The following BPIFA2 variants were observed in gnomAD, a reference collection of about 807,000 sequenced individuals.
The protein encoded by BPIFA2 is BPI fold-containing family A member 2.
A neutral mutation model predicts 25.7 loss-of-function variants in BPIFA2; 20 were observed. That is an observed-to-expected ratio of 0.78 (90% CI 0.55 to 1.13). BPIFA2 has a LOEUF of 1.13. Among genes scored for constraint, BPIFA2 ranks in the 50% most tolerant of loss-of-function variants. BPIFA2 has a pLI of 0.00. For synonymous variants in BPIFA2, 126 were observed against 124.3 expected, an observed-to-expected ratio of 1.01 and a Z score of -0.09; for missense variants, 300 against 298.1, an observed-to-expected ratio of 1.01 and a Z score of -0.05.
At chr20:33,167,351 A>G (rs1274763570), upstream of BPIFA2, among the ~76,000 whole-genome samples, 2 of 152,138 alleles carry the variant, frequency 1.3e-5, no homozygotes, top group Non-Finnish European at 1.5e-5. Flanking sequence ...CAACCCAAAC[A>G]TCAGTGGCCG....
upstream of BPIFA2, among the ~76,000 whole-genome samples, chr20:33,163,853 C>T (rs1358273401): frequency 6.6e-6 from 1 of 152,010 alleles, no homozygotes; most frequent in Non-Finnish European, 1.5e-5. Context: ...AGAGCATGGA[C>T]TCCGGAGCCA....
chr20:33,174,227 C>T lies in BPIFA2; in HGVS notation c.410+41C>T, dbSNP rs760561107. The T allele has an allele frequency of 3.1e-6, 5 of 1,587,706 alleles. No individual in the cohort carries two copies. The South Asian group carries it at 5.5e-5, about 18-fold the overall frequency. ...AATCTGAGATTTGGGAAAGGCAGTG[C>T]AACCTGGCCGATGGATGCCCAACCT... On this transcript the variant is annotated intron_variant, in intron 4 of 8. Transcript: ENST00000354932.
At chr20:33,173,366 C>G (rs1005082795) in intron 3 of BPIFA2, among the ~76,000 whole-genome samples, 3 of 152,184 alleles carry the variant, frequency 2.0e-5, no homozygotes, top group Non-Finnish European at 4.4e-5. Context: ...CACAAAGTCC[C>G]TTTCCAAGGA....
chr20:33,163,636 A>C (rs553548040), upstream of BPIFA2, among the ~76,000 whole-genome samples: 1 of 152,322 alleles, frequency 6.6e-6, no homozygotes, highest in Non-Finnish European at 1.5e-5. Flanking sequence ...CAGCCTGGCC[A>C]AAAGGTAAAA....
intron 8 of BPIFA2, 94 bp downstream of exon 8, chr20:33,180,691 G>C (rs1377682829): frequency 2.0e-6 from 2 of 1,023,102 alleles, no homozygotes; most frequent in Non-Finnish European, 3.0e-6. Context: ...AGAAGACTGT[G>C]CCTTCATCTC....
At chr20:33,164,527 C>G (rs1352047353), upstream of BPIFA2, among the ~76,000 whole-genome samples, 2 of 151,888 alleles carry the variant, frequency 1.3e-5, no homozygotes, top group Non-Finnish European at 2.9e-5. Flanking sequence ...TTTTCTCCTC[C>G]CTTTCTTCTT....
upstream of BPIFA2, among the ~76,000 whole-genome samples, chr20:33,164,816 G>A (rs867324971): frequency 3.9e-5 from 6 of 152,350 alleles, no homozygotes; most frequent in South Asian, 2.1e-4. Flanking sequence ...GGACCCAGGG[G>A]AGGACCCTGA....
upstream of BPIFA2, among the ~76,000 whole-genome samples, chr20:33,166,470 C>T (rs2146448858): frequency 1.3e-5 from 2 of 152,324 alleles, no homozygotes; most frequent in Middle Eastern, 6.8e-3. Context: ...CATGGGCCTA[C>T]CCTATGCTAA....
At chr20:33,180,854 G>A (rs1000818803) in intron 8 of BPIFA2, among the ~76,000 whole-genome samples, 3 of 152,194 alleles carry the variant, frequency 2.0e-5, no homozygotes, top group Non-Finnish European at 4.4e-5. Flanking sequence ...GTTATTGACT[G>A]AGCCTTAGTC....
chr20:33,164,045 G>A (rs769868677), upstream of BPIFA2, among the ~76,000 whole-genome samples: 7 of 152,252 alleles, frequency 4.6e-5, no homozygotes, highest in East Asian at 1.9e-4. Flanking sequence ...TGGGCCGATC[G>A]AATCAGCTCA....
intron 2 of BPIFA2, among the ~76,000 whole-genome samples, chr20:33,171,338 T>G (rs1347243326): frequency 6.6e-6 from 1 of 152,164 alleles, no homozygotes; most frequent in Non-Finnish European, 1.5e-5. Flanking sequence ...GTATGGCCAT[T>G]TTCATGATAT....
chr20:33,167,501 T>C (rs1388810260), upstream of BPIFA2, among the ~76,000 whole-genome samples: 1 of 152,196 alleles, frequency 6.6e-6, no homozygotes, highest in African/African-American at 2.4e-5. Context: ...CACCTCCCTC[T>C]CTGAACTTCA....
At chr20:33,171,381 A>G (rs1983892598) in intron 2 of BPIFA2, among the ~76,000 whole-genome samples, 1 of 152,214 alleles carries the variant, frequency 6.6e-6, no homozygotes, top group Admixed American at 6.5e-5. Context: ...TGGAAAATTA[A>G]CAAATGGGAT....
chr20:33,178,169 T>G lies in BPIFA2; in HGVS notation c.586T>G (p.Phe196Val), dbSNP rs561787624. The change falls in exon 6 of 9, where the codon TTC becomes GTC. Residue 196 changes from phenylalanine to valine, a missense_variant. By Grantham distance (50) the Phe-to-Val change is conservative. Coordinates refer to ENST00000354932, the MANE Select transcript of BPIFA2 (RefSeq NM_080574.4). The stretch of plus-strand genomic sequence containing the variant: ...CAGACACAGCCAAATCATCAACAAG[T>G]TCGTGAATAGCGTGATCAACACGCT... ...LDKHSQIINK[F>V]VNSVINTLKS... 2 of 1,606,990 alleles carry G rather than the reference T, an allele frequency of 1.2e-6. No individual in the cohort carries two copies. The highest frequency in any genetic ancestry group is 1.3e-5 in the African/African-American group (1 of 74,838).
upstream of BPIFA2, among the ~76,000 whole-genome samples, chr20:33,167,733 G>T (rs7268823): frequency 0.089 from 13,522 of 152,124 alleles, 1,184 homozygotes; most frequent in African/African-American, 0.23. Flanking sequence ...GACCCATCTC[G>T]GTCCCTGTCT....
chr20:33,178,249 A>G, intron 6 of BPIFA2, 21 bp downstream of exon 6: 1 of 1,546,156 alleles, frequency 6.5e-7, no homozygotes. Context: ...CACTCCTTGG[A>G]GCCCAGATCC....
intron 5 of BPIFA2, 41 bp downstream of exon 5, chr20:33,175,600 A>G (rs1984051254): frequency 1.3e-6 from 2 of 1,598,382 alleles, no homozygotes; most frequent in Admixed American, 3.4e-5. Flanking sequence ...CTCTCAGGGA[A>G]CTTGAGGACC....
At chr20:33,164,559 CTCTT>C (rs72080740), upstream of BPIFA2, among the ~76,000 whole-genome samples, 13,210 of 151,418 alleles carry the variant, frequency 0.087, 1,085 homozygotes, top group African/African-American at 0.22. Context: ...TCCCCTCTCT[CTCTT>C]TCTTTCTTTC....
At chr20:33,168,338 T>C (rs2034596741) in intron 1 of BPIFA2, 129 bp downstream of exon 1, 3 of 156,596 alleles carry the variant, frequency 1.9e-5, no homozygotes, top group Admixed American at 1.9e-4. Flanking sequence ...AATCAATATA[T>C]CTCTAAATGT....
Sources: gnomAD v4.1 joint callset for allele counts (sites outside exome capture counted in the v4.1 genomes callset) on GRCh38, gnomAD v4.1.1 for gene constraint, MANE v1.5 for transcripts, NCBI Gene and HGNC (gene_info 2026-07-23, HGNC 2026-07-21) for gene names.